Variants in CLSTN2 observed in about 807,000 individuals in gnomAD.
The protein encoded by CLSTN2 is calsyntenin-2.
Under a neutral mutation model 101.2 loss-of-function variants are expected in CLSTN2, and 48 were observed. The ratio of observed to expected loss-of-function variants is 0.47; its 90% confidence interval spans 0.38 to 0.60. The LOEUF (loss-of-function observed/expected upper bound fraction) is 0.60. Among genes scored for constraint, CLSTN2 ranks in the 20% least tolerant of loss-of-function variants. CLSTN2 has a pLI of 0.00. For missense variants in CLSTN2, 1,160 were observed against 1,238.2 expected, an observed-to-expected ratio of 0.94 and a Z score of 0.95; for synonymous variants, 481 against 463.6, an observed-to-expected ratio of 1.04 and a Z score of -0.48.
chr3:140,094,726 A>G (rs1033965115), intron 1 of CLSTN2, among the ~76,000 whole-genome samples: 1 of 152,162 alleles, frequency 6.6e-6, no homozygotes, highest in Non-Finnish European at 1.5e-5. Flanking sequence ...CAAAGGCTGG[A>G]AAAAAAGCAG....
intron 2 of CLSTN2, among the ~76,000 whole-genome samples, chr3:140,194,697 A>C (rs1045054010): frequency 6.6e-6 from 1 of 152,170 alleles, no homozygotes; most frequent in African/African-American, 2.4e-5. Context: ...CTTACTGCTA[A>C]CTGGAGGTAG....
chr3:140,349,038 A>G (rs2087580085), intron 2 of CLSTN2, among the ~76,000 whole-genome samples: 1 of 152,176 alleles, frequency 6.6e-6, no homozygotes, highest in South Asian at 2.1e-4. Flanking sequence ...ATCTCATGGG[A>G]GGTGATTAGA....
chr3:140,197,818 A>T (rs1041855790), intron 2 of CLSTN2, among the ~76,000 whole-genome samples: 2 of 152,140 alleles, frequency 1.3e-5, no homozygotes, highest in South Asian at 2.1e-4. Flanking sequence ...AAGGCAGAAG[A>T]CCTCAGTTTT....
chr3:140,233,946 AC>A (rs1350616976), intron 2 of CLSTN2, among the ~76,000 whole-genome samples: 3 of 152,198 alleles, frequency 2.0e-5, no homozygotes, highest in Non-Finnish European at 4.4e-5. Context: ...ATTGTTTATG[AC>A]TTTTCTCACG....
chr3:140,053,094 C>T (rs2008028727), intron 1 of CLSTN2, among the ~76,000 whole-genome samples: 1 of 152,176 alleles, frequency 6.6e-6, no homozygotes, highest in Non-Finnish European at 1.5e-5. Context: ...GGCTCCCTGT[C>T]ATTCTCGGGT....
At chr3:140,514,411 C>T (rs1934876397) in intron 8 of CLSTN2, among the ~76,000 whole-genome samples, 1 of 152,120 alleles carries the variant, frequency 6.6e-6, no homozygotes, top group Non-Finnish European at 1.5e-5. Flanking sequence ...TTATGGTCTC[C>T]AATTCCACCC....
chr3:140,315,282 T>G (rs2087217567), intron 2 of CLSTN2, among the ~76,000 whole-genome samples: 1 of 152,072 alleles, frequency 6.6e-6, no homozygotes, highest in Admixed American at 6.5e-5. Context: ...CTTCCAAAAG[T>G]CCAGTTATGC....
intron 1 of CLSTN2, among the ~76,000 whole-genome samples, chr3:140,071,551 G>C (rs1006171371): frequency 1.3e-5 from 2 of 152,190 alleles, no homozygotes; most frequent in Admixed American, 1.3e-4. Flanking sequence ...AATGAAAAAG[G>C]CCGGGCGCAG....
At position 140,159,474 on chromosome 3, in the gene CLSTN2, T is replaced by C. The variant is rs193172519; in HGVS notation, c.110-16477T>C. Among the ~76,000 whole-genome samples the C allele has an allele frequency of 5.9e-3, 902 of 152,154 alleles. 10 individuals carry two copies. Among genetic ancestry groups the C allele is most frequent in the African/African-American group, 0.021 (867 of 41,540 alleles). On this transcript the variant is annotated intron_variant, in intron 1 of 16. Coordinates refer to ENST00000458420, the MANE Select transcript of CLSTN2 (RefSeq NM_022131.3). Reference sequence around the variant, plus strand: ...TGCAAATCAAAATCCCAATGAAATATCATCTCACAGCCATTACAATGGCTA... The same window carrying C: ...TGCAAATCAAAATCCCAATGAAATACCATCTCACAGCCATTACAATGGCTA...
At chr3:140,404,463 G>A (rs750879787) in intron 3 of CLSTN2, 95 bp from the exon 4 acceptor site, 1 of 1,071,268 alleles carries the variant, frequency 9.3e-7, no homozygotes, top group Non-Finnish European at 1.4e-6. Context: ...CCTTTCACTT[G>A]GCCTTGGGAC....
intron 2 of CLSTN2, among the ~76,000 whole-genome samples, chr3:140,393,365 A>G (rs1024920158): frequency 3.3e-5 from 5 of 152,214 alleles, no homozygotes; most frequent in Non-Finnish European, 7.3e-5. Context: ...GGAGGCTGCA[A>G]TATTCAGCCC....
intron 1 of CLSTN2, among the ~76,000 whole-genome samples, chr3:140,061,458 T>C (rs2008203401): frequency 6.6e-6 from 1 of 152,166 alleles, no homozygotes; most frequent in Non-Finnish European, 1.5e-5. Context: ...CTAGGAGACC[T>C]CATGGCTGTG....
chr3:139,997,889 T>C (rs1166249043), intron 1 of CLSTN2, among the ~76,000 whole-genome samples: 1 of 152,156 alleles, frequency 6.6e-6, no homozygotes, highest in African/African-American at 2.4e-5. Context: ...TATTAAAACT[T>C]CCTTTCTATA....
At chr3:139,979,202 C>T (rs1290766170) in intron 1 of CLSTN2, among the ~76,000 whole-genome samples, 1 of 152,026 alleles carries the variant, frequency 6.6e-6, no homozygotes. Flanking sequence ...TGACTGTGGG[C>T]CTCCGTGCCT....
intron 1 of CLSTN2, among the ~76,000 whole-genome samples, chr3:139,939,323 G>A (rs1935084704): frequency 6.6e-6 from 1 of 152,178 alleles, no homozygotes; most frequent in Admixed American, 6.5e-5. Context: ...TTTCACAGAT[G>A]AAGAAACAAA....
Position 140,292,105 on chromosome 3 carries a change from G to C in CLSTN2, c.233-111524G>C, listed in dbSNP as rs1237074484. Among the ~76,000 whole-genome samples, 3 of 152,040 alleles carry C rather than the reference G, an allele frequency of 2.0e-5. No individual in the cohort carries two copies. The East Asian group carries it at 5.8e-4, about 29-fold the overall frequency. On this transcript the variant is annotated intron_variant, in intron 2 of 16. Transcript: ENST00000458420. ...TCTTTACAGTAAAAACAATGCCTCT[G>C]TCCATGGCCTATAAAACCCCCATGA...
At chr3:140,279,764 C>T (rs886638312) in intron 2 of CLSTN2, among the ~76,000 whole-genome samples, 6 of 152,168 alleles carry the variant, frequency 3.9e-5, no homozygotes, top group Admixed American at 1.3e-4. Flanking sequence ...AAGAAATGGG[C>T]CAATAGCTCC....
intron 9 of CLSTN2, among the ~76,000 whole-genome samples, chr3:140,535,804 A>G (rs1935347972): frequency 6.6e-6 from 1 of 152,202 alleles, no homozygotes; most frequent in African/African-American, 2.4e-5. Context: ...AATATGCCCA[A>G]CCTCAAGCCT....
intron 5 of CLSTN2, among the ~76,000 whole-genome samples, chr3:140,426,941 G>C (rs754457863): frequency 6.6e-6 from 1 of 152,010 alleles, no homozygotes; most frequent in Non-Finnish European, 1.5e-5. Context: ...TTGGGAGGCC[G>C]AGGCGGGTGG....
Sources: allele counts gnomAD v4.1 joint callset (sites outside exome capture counted in the v4.1 genomes callset), GRCh38; gene constraint gnomAD v4.1.1; transcripts MANE v1.5; gene names NCBI Gene and HGNC (gene_info 2026-07-23, HGNC 2026-07-21).